Variants in ENPP1 observed in about 807,000 individuals in gnomAD.
ENPP1 encodes ectonucleotide pyrophosphatase/phosphodiesterase family member 1.
In ENPP1, 73 loss-of-function variants were observed where a neutral mutation model predicts 122.8. The observed-to-expected ratio is 0.59, with a 90% CI of 0.49 to 0.72. The LOEUF (loss-of-function observed/expected upper bound fraction) is 0.72. ENPP1 is among the 30% of genes least tolerant of loss of function. ENPP1 has a pLI of 0.00. For missense variants in ENPP1, 978 were observed against 1,128.1 expected (o/e 0.87, Z 1.91); for synonymous variants, 367 against 391.6 (o/e 0.94, Z 0.74).
intron 1 of ENPP1, chr6:131,826,149 T>C (rs1372897137): frequency 2.3e-6 from 2 of 858,382 alleles, no homozygotes; most frequent in Non-Finnish European, 4.1e-6. Flanking sequence ...GAGTAAGGTT[T>C]GACAGCTGAC....
In ENPP1 at chr6:131,890,821, G is replaced by A; in HGVS notation, c.*310G>A. 1 of 362,542 alleles carries A rather than the reference G, an allele frequency of 2.8e-6. No homozygotes were observed. Among genetic ancestry groups the A allele is most frequent in the Non-Finnish European group, 5.1e-6 (1 of 195,538 alleles). 22.5% of individuals were successfully genotyped at this position (362,542 alleles called of 1,614,324 possible). ...GGAGAAGTAGCTGTGAACATTGTCT[G>A]GATACCAGATATTTGAATCTTTCTT... On this transcript the variant is annotated 3_prime_UTR_variant, in exon 25 of 25. Transcript: ENST00000647893.
intron 1 of ENPP1, among the ~76,000 whole-genome samples, chr6:131,835,759 C>T (rs576346568): frequency 1.3e-4 from 20 of 152,192 alleles, no homozygotes; most frequent in African/African-American, 3.6e-4. Flanking sequence ...GTTGTTCCCC[C>T]CTCATGTGTC....
intron 22 of ENPP1, among the ~76,000 whole-genome samples, chr6:131,884,416 G>A (rs753432398): frequency 3.0e-4 from 46 of 152,158 alleles, no homozygotes; most frequent in Non-Finnish European, 5.3e-4. Flanking sequence ...TGGGTTCAAC[G>A]TTTGTCTGTG....
chr6:131,891,748 C>G lies in ENPP1; in HGVS notation c.*1237C>G, dbSNP rs13216504. ...AATTATTTAATAATTTAGGAAGTTGCTTTTTTTTTTTTTTTTTTTCAGTCC... is the reference window on the plus strand; with the variant it reads ...AATTATTTAATAATTTAGGAAGTTGGTTTTTTTTTTTTTTTTTTTCAGTCC... On this transcript the variant is annotated 3_prime_UTR_variant, in exon 25 of 25. Coordinates refer to ENST00000647893, the MANE Select transcript of ENPP1 (RefSeq NM_006208.3). 1.2e-5 allele frequency: 1 copy of G among 80,144 alleles called. No individual in the cohort carries two copies. The highest frequency in any genetic ancestry group is 3.5e-4 in the South Asian group (1 of 2,880). The allele number at this position is 80,144 out of a possible 1,614,324, so 5.0% of individuals were successfully genotyped here.
At chr6:131,827,960 C>A in intron 1 of ENPP1, 1 of 833,550 alleles carries the variant, frequency 1.2e-6, no homozygotes, top group Non-Finnish European at 2.0e-6. Flanking sequence ...AGGATGGCCA[C>A]AAAATGCTCA....
In ENPP1 at chr6:131,826,558, T is replaced by C. The variant is rs1399040304; in HGVS notation, c.240+18283T>C. ...AAGGTTATTTTCCTTTAGGTCTAAC[T>C]CATGCAAATTATTCAGGCTGAAAAT... On this transcript the variant is annotated intron_variant, in intron 1 of 24. Coordinates refer to ENST00000647893, the MANE Select transcript of ENPP1 (RefSeq NM_006208.3). The C allele has an allele frequency of 4.9e-6, 6 of 1,219,540 alleles. No homozygotes were observed. The East Asian group carries it at 1.4e-4, about 29-fold the overall frequency. 75.5% of individuals were successfully genotyped at this position (1,219,540 alleles called of 1,614,324 possible). A position where few individuals can be genotyped will look rare whatever the true frequency, so the allele number is the denominator to read the frequency against.
chr6:131,866,963 A>G (rs1444185839), intron 11 of ENPP1, among the ~76,000 whole-genome samples: 2 of 152,248 alleles, frequency 1.3e-5, no homozygotes, highest in Non-Finnish European at 2.9e-5. Flanking sequence ...ACTTGTTTAT[A>G]AGGTTACATA....
Position 131,890,563 on chromosome 6 carries a change from T to G in ENPP1, c.*52T>G. ...AATCTTTTTGAGAGAACCTTATATT[T>G]TATATAGTCCTCTAGCTACACTATT... On this transcript the variant is annotated 3_prime_UTR_variant, in exon 25 of 25. Transcript: ENST00000647893. The G allele has an allele frequency of 7.0e-7, 1 of 1,423,426 alleles. No homozygotes were observed. The highest frequency in any genetic ancestry group is 9.9e-7 in the Non-Finnish European group (1 of 1,006,766). The allele number at this position is 1,423,426 out of a possible 1,614,324, so 88.2% of individuals were successfully genotyped here. A position where few individuals can be genotyped will look rare whatever the true frequency, so the allele number is the denominator to read the frequency against.
chr6:131,888,635 C>T (rs73778354), intron 24 of ENPP1, among the ~76,000 whole-genome samples: 1,714 of 152,174 alleles, frequency 0.011, 32 homozygotes, highest in African/African-American at 0.039. Flanking sequence ...ATTACTTGTT[C>T]CTATAGAACA....
Position 131,808,224 on chromosome 6 carries a change from G to C in ENPP1, c.189G>C (p.Ala63=). 6.6e-7 allele frequency: 1 copy of C among 1,513,962 alleles called. No homozygotes were observed. Among genetic ancestry groups the C allele is most frequent in the Non-Finnish European group, 8.8e-7 (1 of 1,131,030 alleles). The allele number at this position is 1,513,962 out of a possible 1,614,324, so 93.8% of individuals were successfully genotyped here. The change falls in exon 1 of 25, where the codon GCG becomes GCC. Residue 63 remains alanine, a synonymous_variant. Coordinates refer to ENST00000647893, the MANE Select transcript of ENPP1 (RefSeq NM_006208.3). ...TGGGGGAGGAGCCGCTGGAGAAGGC[G>C]GCGCGCGCCCGCACTGCCAAGGACC... ...MDVGEEPLEK[A]ARARTAKDPN...
chr6:131,883,740 T>G lies in ENPP1; in HGVS notation c.2277T>G (p.Thr759=). 1 of 1,529,508 alleles carries G rather than the reference T, an allele frequency of 6.5e-7. No homozygotes were observed. The highest frequency in any genetic ancestry group is 1.1e-5 in the South Asian group (1 of 89,106). The allele number at this position is 1,529,508 out of a possible 1,614,324, so 94.7% of individuals were successfully genotyped here. Residue 759 remains threonine, a synonymous_variant, in exon 22 of 25, where the codon ACT becomes ACG. Coordinates refer to ENST00000647893, the MANE Select transcript of ENPP1 (RefSeq NM_006208.3). Reference sequence around the variant, plus strand: ...GAATATATTCTGAAGCTTTGCTTACTACAAATATAGTGCCAATGTACCAGA... The same window carrying G: ...GAATATATTCTGAAGCTTTGCTTACGACAAATATAGTGCCAATGTACCAGA... The part of the protein sequence containing the change: ...SSGIYSEALL[T]TNIVPMYQSF...
At chr6:131,818,664 T>A (rs571643407) in intron 1 of ENPP1, among the ~76,000 whole-genome samples, 1 of 151,060 alleles carries the variant, frequency 6.6e-6, no homozygotes, top group African/African-American at 2.4e-5. Context: ...AAAAAAAATG[T>A]CCTTGATGAA....
intron 11 of ENPP1, among the ~76,000 whole-genome samples, chr6:131,867,714 C>T (rs1445253219): frequency 2.6e-5 from 4 of 152,124 alleles, no homozygotes; most frequent in East Asian, 1.9e-4. Context: ...ATTCTGACCT[C>T]AGGAATAGAT....
intron 10 of ENPP1, 34 bp from the exon 11 acceptor site, chr6:131,864,832 G>A (rs186451408): frequency 3.3e-5 from 46 of 1,377,444 alleles, no homozygotes; most frequent in Middle Eastern, 1.8e-4. Context: ...CAATGTGTTC[G>A]TAAAATATTA....
chr6:131,817,553 T>G (rs1324892247), intron 1 of ENPP1, among the ~76,000 whole-genome samples: 1 of 152,128 alleles, frequency 6.6e-6, no homozygotes, highest in African/African-American at 2.4e-5. Flanking sequence ...TATTTTGAAA[T>G]GTAGTAGAAT....
intron 9 of ENPP1, among the ~76,000 whole-genome samples, chr6:131,862,096 G>A (rs943737797): frequency 6.6e-6 from 1 of 152,090 alleles, no homozygotes; most frequent in South Asian, 2.1e-4. Flanking sequence ...TTGAACCTGT[G>A]AGGCGGAGGT....
chr6:131,854,745 AAAT>A (rs1466304240), intron 5 of ENPP1, among the ~76,000 whole-genome samples, 178 bp from the exon 6 acceptor site: 7 of 152,156 alleles, frequency 4.6e-5, no homozygotes, highest in Admixed American at 2.0e-4. Flanking sequence ...ATATAAATAT[AAAT>A]GCATGTAAAA....
At chr6:131,889,426 C>T (rs1468304168) in intron 24 of ENPP1, among the ~76,000 whole-genome samples, 1 of 152,066 alleles carries the variant, frequency 6.6e-6, no homozygotes, top group Non-Finnish European at 1.5e-5. Flanking sequence ...TTTCTTCCCC[C>T]ACACGTGTTT....
At chr6:131,842,896 T>C (rs868664818) in intron 1 of ENPP1, among the ~76,000 whole-genome samples, 48 of 152,310 alleles carry the variant, frequency 3.2e-4, no homozygotes, top group African/African-American at 1.1e-3. Flanking sequence ...AAAAAATTTT[T>C]TTTTTAGTAT....
Sources: allele counts gnomAD v4.1 joint callset (sites outside exome capture counted in the v4.1 genomes callset), GRCh38; gene constraint gnomAD v4.1.1; transcripts MANE v1.5; gene names NCBI Gene and HGNC (gene_info 2026-07-23, HGNC 2026-07-21).